The following ZNF280D variants were observed in gnomAD, a reference collection of about 807,000 sequenced individuals.
The protein encoded by ZNF280D is zinc finger protein 280D.
Under a neutral mutation model 94.7 loss-of-function variants are expected in ZNF280D, and 39 were observed. The ratio of observed to expected loss-of-function variants is 0.41; its 90% CI spans 0.32 to 0.54. The LOEUF (loss-of-function observed/expected upper bound fraction) is 0.54. Ranked by LOEUF, ZNF280D falls within the 20% of genes least tolerant of loss-of-function variation. The pLI, the probability that ZNF280D is intolerant of heterozygous loss-of-function variation, is 0.22. For synonymous variants in ZNF280D, 398 were observed against 377.6 expected, an observed-to-expected ratio of 1.05 and a Z score of -0.63; for missense variants, 1,090 against 1,149.3, an observed-to-expected ratio of 0.95 and a Z score of 0.75.
chr15:56,664,334 G>C (rs752822145), intron 16 of ZNF280D, among the ~76,000 whole-genome samples: 5 of 152,090 alleles, frequency 3.3e-5, no homozygotes, highest in Non-Finnish European at 7.4e-5. Context: ...CAGGCAGTTG[G>C]GACAAACTGT....
intron 19 of ZNF280D, among the ~76,000 whole-genome samples, chr15:56,645,767 G>A (rs972214777): frequency 6.6e-5 from 10 of 152,054 alleles, no homozygotes; most frequent in Middle Eastern, 3.4e-3. Context: ...GGCTGGTCTC[G>A]AACTCCTGAC....
Position 56,632,117 on chromosome 15 carries a change from T to C in ZNF280D, c.2321A>G (p.Gln774Arg), listed in dbSNP as rs1474571869. ...ETETSNSESK[Q>R]DKAASSKEKN... ...TTCTTTTGAAGAAGCAGCTTTATCTTGTTTACTGAAAAATAAAGTCATTTA... is the reference window on the plus strand; with the variant it reads ...TTCTTTTGAAGAAGCAGCTTTATCTCGTTTACTGAAAAATAAAGTCATTTA... Residue 774 changes from glutamine (Q) to arginine (R), a missense_variant, in exon 22 of 22, where the codon CAA becomes CGA. By Grantham distance (43) the Gln-to-Arg change is conservative. Around this residue, in one of 3 missense-constraint regions of ZNF280D, gnomAD observed 577 missense variants for 568.8 expected, o/e 1.01. Transcript: ENST00000267807. 6.4e-7 allele frequency: 1 copy of C among 1,561,458 alleles called. No individual in the cohort carries two copies. Among genetic ancestry groups the C allele is most frequent in the Admixed American group, 2.0e-5 (1 of 49,642 alleles).
At position 56,658,590 on chromosome 15, in the gene ZNF280D, G is replaced by T. The variant is rs561149191; in HGVS notation, c.1995-104C>A. ...CTTAAGTTTCTAGTTTGTAATAAAA[G>T]ATTATAATGTAAATAATAAAATAAT... On this transcript the variant is annotated intron_variant, in intron 16 of 21. Coordinates refer to ENST00000267807, the MANE Select transcript of ZNF280D (RefSeq NM_017661.4). 6.8e-5 allele frequency: 50 copies of T among 735,360 alleles called. No individual in the cohort carries two copies. In the African/African-American group the frequency reaches 8.1e-4, roughly 12 times the overall value. 45.6% of individuals were successfully genotyped at this position (735,360 alleles called of 1,614,324 possible).
rs1425121622 is a variant in ZNF280D at position 56,631,460 on chromosome 15, C to T, written c.*38G>A. The T allele has an allele frequency of 1.3e-6, 2 of 1,595,638 alleles. No individual in the cohort carries two copies. The highest frequency in any genetic ancestry group is 2.2e-5 in the East Asian group (1 of 44,694). On this transcript the variant is annotated 3_prime_UTR_variant, in exon 22 of 22. Coordinates refer to ENST00000267807, the MANE Select transcript of ZNF280D (RefSeq NM_017661.4). ...CACCTGATAGCACTGTTCCAAATGCCCTTATCGTTGGTACACTGAAACTTA... is the reference window on the plus strand; with the variant it reads ...CACCTGATAGCACTGTTCCAAATGCTCTTATCGTTGGTACACTGAAACTTA...
In ZNF280D at chr15:56,695,593, G is replaced by C. The variant is rs532162777; in HGVS notation, c.382-2378C>G. ...TCACCAGGCTGGAGTGCAGTGGTGTGATCTTGGCTCACTGCAACCTCCACC... is the reference window on the plus strand; with the variant it reads ...TCACCAGGCTGGAGTGCAGTGGTGTCATCTTGGCTCACTGCAACCTCCACC... On this transcript the variant is annotated intron_variant, in intron 6 of 21. Transcript: ENST00000267807. Among the ~76,000 whole-genome samples the C allele has an allele frequency of 4.0e-5, 6 of 148,950 alleles. No homozygotes were observed. The South Asian group carries it at 1.3e-3, about 32-fold the overall frequency.
In ZNF280D at chr15:56,666,769, T is replaced by C; in HGVS notation, c.1763A>G (p.Lys588Arg). The change falls in exon 15 of 22, where the codon AAA (lysine) becomes AGA (arginine). Residue 588 changes from lysine to arginine, a missense_variant. By Grantham distance (26) the Lys-to-Arg change is conservative (BLOSUM62 2). Coordinates refer to ENST00000267807, the MANE Select transcript of ZNF280D (RefSeq NM_017661.4). ...CTTTTGCATATTAGAGATTTTTGGT[T>C]TGTATTTAGATTTACTTCCATTAGG... ...SKPNGSKSKY[K>R]PKISNMQKKQ... The C allele has an allele frequency of 6.2e-7, 1 of 1,613,830 alleles. No individual in the cohort carries two copies. Among genetic ancestry groups the C allele is most frequent in the Non-Finnish European group, 8.5e-7 (1 of 1,179,864 alleles).
In ZNF280D at chr15:56,678,782, C is replaced by T. The variant is rs1378365627; in HGVS notation, c.1044G>A (p.Lys348=). 10 of 1,611,356 alleles carry T rather than the reference C, an allele frequency of 6.2e-6. No individual in the cohort carries two copies. The highest frequency in any genetic ancestry group is 2.2e-5 in the South Asian group (2 of 90,712). Residue 348 remains lysine, a synonymous_variant, in exon 11 of 22, where the codon AAG becomes AAA. Coordinates refer to ENST00000267807, the MANE Select transcript of ZNF280D (RefSeq NM_017661.4). ...GGTTTTCCCAGCTCTCACTGCTCTG[C>T]TTCTCAAGTTCCAAATGGTGTTTCA... ...NHMKHHLELE[K]QSSESWENHT...
At chr15:56,669,905 ATATATATAT>A (rs1566960050) in intron 13 of ZNF280D, among the ~76,000 whole-genome samples, 64 of 6,254 alleles carry the variant, frequency 0.01, 13 homozygotes, top group East Asian at 0.027. Context: ...TATATATAAT[ATATATATAT>A]TATATATATA....
intron 10 of ZNF280D, among the ~76,000 whole-genome samples, chr15:56,680,447 T>G (rs1191129966): frequency 1.3e-5 from 2 of 152,170 alleles, no homozygotes; most frequent in African/African-American, 4.8e-5. Context: ...ACGTAGCTAG[T>G]CTTCATAAAC....
intron 1 of ZNF280D, among the ~76,000 whole-genome samples, chr15:56,718,946 T>C (rs368573292): frequency 1.3e-5 from 2 of 152,340 alleles, no homozygotes; most frequent in Admixed American, 6.5e-5. Context: ...TATACACCAA[T>C]AGTCCTGTGT....
At position 56,631,338 on chromosome 15, in the gene ZNF280D, A is replaced by G. The variant is rs3803457; in HGVS notation, c.*160T>C. On this transcript the variant is annotated 3_prime_UTR_variant, in exon 22 of 22. Coordinates refer to ENST00000267807, the MANE Select transcript of ZNF280D (RefSeq NM_017661.4). ...TAATCATGCTATTATTGGTGAATTG[A>G]TTTGTTTGATAACATAGGTTGAACA... is the stretch of plus-strand genomic sequence containing the variant. The G allele has an allele frequency of 0.54, 387,604 of 712,854 alleles. 109,889 individuals carry two copies. Among genetic ancestry groups the G allele is most frequent in the Non-Finnish European group, 0.59 (260,849 of 442,850 alleles). The allele number at this position is 712,854 out of a possible 1,614,324, so 44.2% of individuals were successfully genotyped here.
chr15:56,661,536 T>C (rs2053943679), intron 16 of ZNF280D, among the ~76,000 whole-genome samples: 1 of 152,192 alleles, frequency 6.6e-6, no homozygotes, highest in African/African-American at 2.4e-5. Context: ...AATTCAGTAC[T>C]CTGTCGTACC....
At chr15:56,705,569 T>C (rs762202752) in intron 3 of ZNF280D, among the ~76,000 whole-genome samples, 47 of 152,304 alleles carry the variant, frequency 3.1e-4, no homozygotes, top group Non-Finnish European at 5.9e-4. Context: ...ATTACATAGA[T>C]TCAAGAAAAT....
intron 1 of ZNF280D, among the ~76,000 whole-genome samples, chr15:56,709,159 C>A (rs2057601966): frequency 2.0e-5 from 3 of 152,038 alleles, no homozygotes; most frequent in African/African-American, 4.8e-5. Flanking sequence ...AACAAATTTA[C>A]AAGAAAAAAA....
chr15:56,674,641 C>G (rs2055092262), intron 13 of ZNF280D, among the ~76,000 whole-genome samples: 1 of 151,952 alleles, frequency 6.6e-6, no homozygotes, highest in Non-Finnish European at 1.5e-5. Context: ...ATCTATAAAA[C>G]TGAAATAATA....
chr15:56,702,161 G>C (rs1336912144), intron 4 of ZNF280D, among the ~76,000 whole-genome samples: 1 of 151,972 alleles, frequency 6.6e-6, no homozygotes, highest in Non-Finnish European at 1.5e-5. Context: ...TTCTGATAAG[G>C]TCAATGCAGT....
At chr15:56,633,881 C>T (rs2052216452) in intron 21 of ZNF280D, among the ~76,000 whole-genome samples, 1 of 151,920 alleles carries the variant, frequency 6.6e-6, no homozygotes, top group Non-Finnish European at 1.5e-5. Flanking sequence ...TTAAGTTTGT[C>T]AGTTTCCAAA....
intron 20 of ZNF280D, chr15:56,635,502 C>T (rs920035453): frequency 6.2e-6 from 1 of 160,380 alleles, no homozygotes; most frequent in Non-Finnish European, 1.3e-5. Flanking sequence ...AGCAGTTACC[C>T]ACTCATGTCA....
Position 56,666,549 on chromosome 15 carries a change from T to G in ZNF280D, c.1854-14A>C. Reference sequence around the variant, plus strand: ...CCCCGACGATACCTTAGGGAGACATTAAAAAAATGATAAAAATATATTTTA... The same window carrying G: ...CCCCGACGATACCTTAGGGAGACATGAAAAAAATGATAAAAATATATTTTA... On this transcript the variant is annotated splice_polypyrimidine_tract_variant and intron_variant, in intron 15 of 21. Coordinates refer to ENST00000267807, the MANE Select transcript of ZNF280D (RefSeq NM_017661.4). 1 of 1,564,990 alleles carries G rather than the reference T, an allele frequency of 6.4e-7. No individual in the cohort carries two copies. The highest frequency in any genetic ancestry group is 1.4e-5 in the African/African-American group (1 of 71,916).
Sources: gnomAD v4.1 joint callset for allele counts (sites outside exome capture counted in the v4.1 genomes callset) on GRCh38, gnomAD v4.1.1 for gene constraint, gnomAD v4.1.1 regional missense constraint, MANE v1.5 for transcripts, NCBI Gene and HGNC (gene_info 2026-07-23, HGNC 2026-07-21) for gene names.